The following BLOC1S3 variants were observed in gnomAD, a reference collection of about 807,000 sequenced individuals.
The protein encoded by BLOC1S3 is biogenesis of lysosome-related organelles complex 1 subunit 3.
In BLOC1S3, 7 loss-of-function variants were observed where a neutral mutation model predicts 9.1. The observed-to-expected ratio is 0.77, with a 90% CI of 0.44 to 1.45. The LOEUF (loss-of-function observed/expected upper bound fraction) is 1.45, where lower values mean the gene tolerates loss of function less well. Ranked by LOEUF, BLOC1S3 falls within the 40% of genes most tolerant of loss-of-function variation. BLOC1S3 has a pLI of 0.01. For synonymous variants in BLOC1S3, 145 were observed against 158.4 expected, an observed-to-expected ratio of 0.92 and a Z score of 0.64; for missense variants, 307 against 315.2, an observed-to-expected ratio of 0.97 and a Z score of 0.20.
At chr19:45,208,882 A>G (rs1199937825) in intron 3 of BLOC1S3, among the ~76,000 whole-genome samples, 4 of 152,208 alleles carry the variant, frequency 2.6e-5, no homozygotes, top group Non-Finnish European at 5.9e-5. Flanking sequence ...AAAATACATG[A>G]CATGAGATAA....
At chr19:45,184,903 C>CAAAAAAAAAAAAAAAA (rs71338752), downstream of BLOC1S3, among the ~76,000 whole-genome samples, 32 of 48,286 alleles carry the variant, frequency 6.6e-4, 5 homozygotes, top group Middle Eastern at 0.023. Flanking sequence ...CTGTCTCAAA[C>CAAAAAAAAAAAAAAAA]AAAAAAAAAA....
chr19:45,212,661 G>A (rs1969787072), intron 3 of BLOC1S3: 2 of 153,710 alleles, frequency 1.3e-5, no homozygotes, highest in Admixed American at 1.4e-4. Context: ...GGAGTGCAGT[G>A]GCACAGTCAT....
chr19:45,186,014 G>A (rs183274933), downstream of BLOC1S3, among the ~76,000 whole-genome samples: 137 of 152,280 alleles, frequency 9.0e-4, no homozygotes, highest in African/African-American at 2.9e-3. Context: ...TCAGGAGGCT[G>A]AGGCGGGAGA....
chr19:45,214,035 C>A (rs1404188713), intron 3 of BLOC1S3, among the ~76,000 whole-genome samples: 1 of 152,102 alleles, frequency 6.6e-6, no homozygotes, highest in African/African-American at 2.4e-5. Flanking sequence ...TCAAGCTCAA[C>A]CCCCTAAACC....
rs781362128 is a variant in BLOC1S3, at chr19:45,179,928, G to A, written c.*23G>A. On this transcript the variant is annotated 3_prime_UTR_variant, in exon 2 of 2. Coordinates refer to ENST00000433642, the MANE Select transcript of BLOC1S3 (RefSeq NM_212550.5). This position sits in a 1 kb window ranked among gnomAD's most constrained non-coding sequence, Gnocchi z 4.6. ...TAGCCATGATTCTACTTCCCAACCTGACTGCAATTTGGGGGTAGGCCTTGC... is the reference window on the plus strand; with the variant it reads ...TAGCCATGATTCTACTTCCCAACCTAACTGCAATTTGGGGGTAGGCCTTGC... The A allele has an allele frequency of 6.2e-7, 1 of 1,602,286 alleles. No individual in the cohort carries two copies. The highest frequency in any genetic ancestry group is 1.4e-5 in the African/African-American group (1 of 73,560).
chr19:45,196,623 T>A (rs1969650232), intron 2 of BLOC1S3, among the ~76,000 whole-genome samples: 1 of 152,152 alleles, frequency 6.6e-6, no homozygotes, highest in Non-Finnish European at 1.5e-5. Flanking sequence ...CCGGGAGCGG[T>A]GGCTCACGCC....
At chr19:45,195,712 A>AGAG (rs1206888681) in intron 2 of BLOC1S3, among the ~76,000 whole-genome samples, 1 of 151,854 alleles carries the variant, frequency 6.6e-6, no homozygotes, top group Non-Finnish European at 1.5e-5. Context: ...CTCCTGCCTC[A>AGAG]GCCTCCCGAG....
rs73939649 is a variant in BLOC1S3 at position 45,181,376 on chromosome 19, C to T, written c.*1471C>T. ...CACCCCTCCAGGCCAAGATGATGCT[C>T]GCTCTCAACTCTGTAGGCCAAGGTG... On this transcript the variant is annotated 3_prime_UTR_variant, in exon 2 of 2. Transcript: ENST00000433642. 0.01 allele frequency: 1,711 copies of T among 167,228 alleles called. 35 individuals are homozygous for T. The highest frequency in any genetic ancestry group is 0.04 in the African/African-American group (1,657 of 41,534). 10.4% of individuals were successfully genotyped at this position (167,228 alleles called of 1,614,324 possible). A position where few individuals can be genotyped will look rare whatever the true frequency, so the allele number is the denominator to read the frequency against.
intron 2 of BLOC1S3, among the ~76,000 whole-genome samples, chr19:45,194,810 G>A (rs986946824): frequency 6.6e-6 from 1 of 152,136 alleles, no homozygotes; most frequent in East Asian, 1.9e-4. Context: ...AGGAGGCAAG[G>A]GGTAATGACT....
intron 2 of BLOC1S3, among the ~76,000 whole-genome samples, chr19:45,193,879 T>C (rs1201149203): frequency 7.9e-6 from 1 of 126,250 alleles, no homozygotes; most frequent in East Asian, 2.3e-4. Context: ...CTCGGCTCAC[T>C]GCAAGCTCCT....
At position 45,179,512 on chromosome 19, in the gene BLOC1S3, A is replaced by G. The variant is rs1969476915; in HGVS notation, c.216A>G (p.Glu72=). ...ACTCGGAGCCGGAGCCGGAGCCGGA[A>G]CCGACGGCCGCGCCGAGGGACCTGC... is the stretch of plus-strand genomic sequence containing the variant. ...ETDSEPEPEP[E]PTAAPRDLPP... Residue 72 remains glutamate, a synonymous_variant, in exon 2 of 2, where the codon GAA becomes GAG. Coordinates refer to ENST00000433642, the MANE Select transcript of BLOC1S3 (RefSeq NM_212550.5). The surrounding 1 kb of genome is among the most constrained non-coding windows in gnomAD (Gnocchi z 4.6). The G allele has an allele frequency of 6.6e-7, 1 of 1,523,630 alleles. No homozygotes were observed. Among genetic ancestry groups the G allele is most frequent in the Non-Finnish European group, 8.8e-7 (1 of 1,142,770 alleles). 94.4% of individuals were successfully genotyped at this position (1,523,630 alleles called of 1,614,324 possible).
chr19:45,197,026 G>A (rs1322322798), intron 2 of BLOC1S3, among the ~76,000 whole-genome samples: 2 of 152,054 alleles, frequency 1.3e-5, no homozygotes, highest in Non-Finnish European at 2.9e-5. Context: ...GGCCCACGGG[G>A]TTTCCTGGGC....
chr19:45,209,740 C>T (rs745415775), intron 3 of BLOC1S3, among the ~76,000 whole-genome samples: 6 of 143,690 alleles, frequency 4.2e-5, no homozygotes, highest in Admixed American at 7.2e-5. Context: ...TTTTTTGAGG[C>T]GGAGTTTCGC....
rs886054491 is a variant in BLOC1S3 at position 45,179,974 on chromosome 19, G to A, written c.*69G>A. On this transcript the variant is annotated 3_prime_UTR_variant, in exon 2 of 2. Transcript: ENST00000433642. This position sits in a 1 kb window ranked among gnomAD's most constrained non-coding sequence, Gnocchi z 4.6. The stretch of plus-strand genomic sequence containing the variant: ...CTTGCTGCCTCTGGGACCTGACTCT[G>A]TCTCCTGTGTCTCTTATCACCCCCC... 32 of 1,539,578 alleles carry A rather than the reference G, an allele frequency of 2.1e-5. No individual in the cohort carries two copies. The highest frequency in any genetic ancestry group is 2.7e-5 in the Non-Finnish European group (31 of 1,135,924).
At chr19:45,195,033 C>T (rs1054940519) in intron 2 of BLOC1S3, among the ~76,000 whole-genome samples, 1 of 150,784 alleles carries the variant, frequency 6.6e-6, no homozygotes, top group Non-Finnish European at 1.5e-5. Context: ...CCAGTTCAAG[C>T]GAGTCTCCTG....
intron 3 of BLOC1S3, among the ~76,000 whole-genome samples, chr19:45,210,234 C>G (rs79240887): frequency 1.6e-5 from 1 of 64,450 alleles, no homozygotes; most frequent in African/African-American, 4.5e-5. Context: ...TATGAGGTTT[C>G]TTTATTTAAA....
chr19:45,215,964 G>A (rs1374830347), intron 3 of BLOC1S3: 27 of 1,476,294 alleles, frequency 1.8e-5, no homozygotes, highest in Admixed American at 1.1e-4. Context: ...CGTCAGACAC[G>A]CTCACCGGCT....
intron 3 of BLOC1S3, among the ~76,000 whole-genome samples, chr19:45,207,279 CCCGA>C (rs1969734222): frequency 1.3e-5 from 2 of 151,184 alleles, no homozygotes; most frequent in African/African-American, 4.9e-5. Flanking sequence ...ACTACAGGTG[CCCGA>C]CACCAAGCCC....
chr19:45,204,067 C>T (rs925585393), intron 3 of BLOC1S3, among the ~76,000 whole-genome samples: 9 of 151,126 alleles, frequency 6.0e-5, no homozygotes, highest in Admixed American at 1.3e-4. Context: ...AGTGCAGTGG[C>T]GCAATCTTGG....
Sources: gnomAD v4.1 joint callset for allele counts (sites outside exome capture counted in the v4.1 genomes callset) on GRCh38, gnomAD v4.1.1 for gene constraint, Gnocchi (gnomAD v3.1) non-coding constraint, MANE v1.5 for transcripts, NCBI Gene and HGNC (gene_info 2026-07-23, HGNC 2026-07-21) for gene names.